GAS2: variants seen among roughly 807,000 people sequenced by gnomAD.
GAS2 encodes the protein growth arrest-specific protein 2.
In GAS2, 20 loss-of-function variants were observed where a neutral mutation model predicts 37.5. The observed-to-expected ratio is 0.53, with a 90% CI of 0.37 to 0.77. GAS2 has a LOEUF of 0.77. Ranked by LOEUF, GAS2 falls within the 30% of genes least tolerant of loss-of-function variation. GAS2 has a pLI of 0.00. For synonymous variants in GAS2, 144 were observed against 132.2 expected, an observed-to-expected ratio of 1.09 and a Z score of -0.61; for missense variants, 336 against 373.4, an observed-to-expected ratio of 0.90 and a Z score of 0.82.
intron 1 of GAS2, among the ~76,000 whole-genome samples, chr11:22,653,317 C>T (rs1425555223): frequency 2.0e-5 from 3 of 152,144 alleles, no homozygotes; most frequent in Non-Finnish European, 2.9e-5. Flanking sequence ...AACTGTGCCT[C>T]AGGCAAGTTA....
intron 5 of GAS2, among the ~76,000 whole-genome samples, chr11:22,738,447 T>A (rs144084372): frequency 6.6e-6 from 1 of 152,280 alleles, no homozygotes; most frequent in Non-Finnish European, 1.5e-5. Context: ...TTGCATACCA[T>A]CAGACAGGGC....
intron 5 of GAS2, among the ~76,000 whole-genome samples, chr11:22,738,233 A>G (rs573878753): frequency 1.6e-3 from 247 of 152,244 alleles, no homozygotes; most frequent in African/African-American, 5.2e-3. Flanking sequence ...TCTGACTAGG[A>G]TGATAGTTTT....
At chr11:22,653,477 T>C (rs1848820987) in intron 1 of GAS2, among the ~76,000 whole-genome samples, 1 of 152,204 alleles carries the variant, frequency 6.6e-6, no homozygotes, top group African/African-American at 2.4e-5. Context: ...TTGAAAAAGG[T>C]ATCAAGAAAC....
intron 4 of GAS2, among the ~76,000 whole-genome samples, chr11:22,728,515 A>G (rs1193934006): frequency 6.6e-6 from 1 of 151,410 alleles, no homozygotes; most frequent in African/African-American, 2.4e-5. Context: ...TGACATTATA[A>G]AAAGCCCATA....
chr11:22,719,013 T>G (rs1258152353), intron 3 of GAS2, among the ~76,000 whole-genome samples: 1 of 152,130 alleles, frequency 6.6e-6, no homozygotes, highest in African/African-American at 2.4e-5. Flanking sequence ...GTAATCTTTT[T>G]GTAGACATTT....
intron 7 of GAS2, among the ~76,000 whole-genome samples, chr11:22,791,802 G>T (rs1223899445): frequency 6.6e-6 from 1 of 152,182 alleles, no homozygotes; most frequent in Non-Finnish European, 1.5e-5. Flanking sequence ...CAAAGTGTTG[G>T]CAACTTAGGA....
At position 22,802,003 on chromosome 11, in the gene GAS2, G is replaced by T. The variant is rs58034885; in HGVS notation, c.724-9795G>T. Among the ~76,000 whole-genome samples, 8 of 151,850 alleles carry T rather than the reference G, an allele frequency of 5.3e-5. No homozygotes were observed. The East Asian group carries it at 1.5e-3, about 29-fold the overall frequency. On this transcript the variant is annotated intron_variant, in intron 7 of 7. Coordinates refer to ENST00000454584, the MANE Select transcript of GAS2 (RefSeq NM_001143830.3). ...GGAGTGTTTCTTCTCATTACTGAGA[G>T]AAAATATAAAAAAAAAAGCAAAAAG...
intron 7 of GAS2, among the ~76,000 whole-genome samples, chr11:22,774,131 T>C (rs1489806652): frequency 2.6e-5 from 4 of 152,112 alleles, no homozygotes; most frequent in Non-Finnish European, 5.9e-5. Context: ...GTAGCTGAGA[T>C]TACAGGAGCA....
chr11:22,631,261 C>T (rs183702953), intron 1 of GAS2, among the ~76,000 whole-genome samples: 3 of 152,240 alleles, frequency 2.0e-5, no homozygotes, highest in East Asian at 1.9e-4. Flanking sequence ...GGTATATTAT[C>T]GCATCATCAG....
At chr11:22,755,249 A>G (rs1164801335) in intron 6 of GAS2, among the ~76,000 whole-genome samples, 2 of 152,128 alleles carry the variant, frequency 1.3e-5, no homozygotes, top group African/African-American at 2.4e-5. Flanking sequence ...TCAAAGAAGT[A>G]GGGTTTGATA....
In GAS2 at chr11:22,773,702, T is replaced by A. The variant is rs575204401; in HGVS notation, c.723+17749T>A. The stretch of plus-strand genomic sequence containing the variant: ...TCCTTGGGGCTTATTTGCTATGAAA[T>A]GTTTTCTCTCTGAAGCAAGATGGCC... On this transcript the variant is annotated intron_variant, in intron 7 of 7. Transcript: ENST00000454584. 2.0e-5 allele frequency among the ~76,000 whole-genome samples: 3 copies of A among 152,272 alleles called. No homozygotes were observed. The South Asian group carries it at 6.2e-4, about 32-fold the overall frequency.
chr11:22,755,446 G>T (rs186013650), intron 6 of GAS2, among the ~76,000 whole-genome samples: 248 of 152,162 alleles, frequency 1.6e-3, no homozygotes, highest in African/African-American at 5.2e-3. Context: ...TTATACTGAA[G>T]TAACATAAAC....
At chr11:22,804,626 T>C (rs948436176) in intron 7 of GAS2, among the ~76,000 whole-genome samples, 1 of 152,008 alleles carries the variant, frequency 6.6e-6, no homozygotes, top group African/African-American at 2.4e-5. Flanking sequence ...GAGTGGAAAT[T>C]AATGAGAGTT....
At chr11:22,648,618 T>A (rs1848733247) in intron 1 of GAS2, among the ~76,000 whole-genome samples, 1 of 152,190 alleles carries the variant, frequency 6.6e-6, no homozygotes, top group Non-Finnish European at 1.5e-5. Context: ...GGTTTGTAGT[T>A]CTCCTTGAAG....
rs192558548 is a variant in GAS2, at chr11:22,787,188, A to C, written c.724-24610A>C. ...GCTCTCAAAAAGCTCCCAGACTTGG[A>C]GTTTTCTGAAATGTATGACGTAAAT... On this transcript the variant is annotated intron_variant, in intron 7 of 7. Transcript: ENST00000454584. 6.6e-4 allele frequency among the ~76,000 whole-genome samples: 100 copies of C among 152,284 alleles called. 1 individual carries two copies. The Middle Eastern group carries it at 0.027, about 41-fold the overall frequency.
At chr11:22,763,616 T>TACACACACACACACAC (rs34715661) in intron 7 of GAS2, among the ~76,000 whole-genome samples, 1 of 143,792 alleles carries the variant, frequency 7.0e-6, no homozygotes, top group East Asian at 2.0e-4. Flanking sequence ...AAAATACACA[T>TACACACACACACACAC]ACACACACAC....
At chr11:22,767,751 G>A (rs1311172307) in intron 7 of GAS2, among the ~76,000 whole-genome samples, 1 of 152,122 alleles carries the variant, frequency 6.6e-6, no homozygotes, top group Non-Finnish European at 1.5e-5. Context: ...TTGCAAGTGT[G>A]GCCATTTTGA....
chr11:22,648,408 C>T (rs1848730791), intron 1 of GAS2, among the ~76,000 whole-genome samples: 1 of 152,130 alleles, frequency 6.6e-6, no homozygotes, highest in South Asian at 2.1e-4. Context: ...GTGATGCGGG[C>T]TCTTTTTTGG....
intron 1 of GAS2, among the ~76,000 whole-genome samples, chr11:22,651,131 C>T (rs909717219): frequency 6.6e-6 from 1 of 151,882 alleles, no homozygotes. Context: ...CAAAATCTCT[C>T]AGCATTTGCT....
Sources: allele counts gnomAD v4.1 joint callset (sites outside exome capture counted in the v4.1 genomes callset), GRCh38; gene constraint gnomAD v4.1.1; transcripts MANE v1.5; gene names NCBI Gene and HGNC (gene_info 2026-07-23, HGNC 2026-07-21).